Variants in PTPRD observed in about 807,000 individuals in gnomAD.
The protein encoded by PTPRD is protein tyrosine phosphatase receptor type D.
Under a neutral mutation model 214.5 loss-of-function variants are expected in PTPRD, and 34 were observed. The ratio of observed to expected loss-of-function variants is 0.16; its 90% CI spans 0.12 to 0.21. The LOEUF (loss-of-function observed/expected upper bound fraction) is 0.21. Ranked by LOEUF, PTPRD falls within the 10% of genes least tolerant of loss-of-function variation. PTPRD has a pLI of 1.00. For missense variants in PTPRD, 2,545 were observed against 2,398.7 expected, an observed-to-expected ratio of 1.06 and a Z score of -1.27; for synonymous variants, 1,128 against 845.7, an observed-to-expected ratio of 1.33 and a Z score of -5.79.
At chr9:9,590,093 A>T (rs1392667606) in intron 7 of PTPRD, among the ~76,000 whole-genome samples, 3 of 152,078 alleles carry the variant, frequency 2.0e-5, no homozygotes, top group Non-Finnish European at 2.9e-5. Flanking sequence ...TAATGTCAAT[A>T]AAAATACAAG....
chr9:9,046,530 C>T (rs1487509419), intron 10 of PTPRD, among the ~76,000 whole-genome samples: 2 of 152,126 alleles, frequency 1.3e-5, no homozygotes, highest in Admixed American at 6.6e-5. Context: ...CATTTATGCA[C>T]ATTTTGTTAC....
At chr9:8,612,474 T>G (rs1307048227) in intron 14 of PTPRD, among the ~76,000 whole-genome samples, 2 of 152,126 alleles carry the variant, frequency 1.3e-5, no homozygotes, top group African/African-American at 2.4e-5. Flanking sequence ...GGCTGTACAA[T>G]GGAGAAAGGA....
chr9:9,529,158 T>C (rs965112527), intron 8 of PTPRD, among the ~76,000 whole-genome samples: 1 of 151,802 alleles, frequency 6.6e-6, no homozygotes, highest in Non-Finnish European at 1.5e-5. Context: ...GGTCTCGAAC[T>C]CCTGACCTCG....
intron 2 of PTPRD, among the ~76,000 whole-genome samples, chr9:10,435,331 C>T (rs370990873): frequency 6.6e-5 from 10 of 151,994 alleles, no homozygotes; most frequent in African/African-American, 1.4e-4. Context: ...GCACTTTACA[C>T]GACTCATACA....
At chr9:10,307,155 A>C (rs922169120) in intron 3 of PTPRD, among the ~76,000 whole-genome samples, 1 of 151,986 alleles carries the variant, frequency 6.6e-6, no homozygotes, top group African/African-American at 2.4e-5. Flanking sequence ...TATTATAAAC[A>C]TGAGCACTTA....
chr9:9,929,645 G>A (rs1009447887), intron 5 of PTPRD, among the ~76,000 whole-genome samples: 1 of 152,100 alleles, frequency 6.6e-6, no homozygotes, highest in South Asian at 2.1e-4. Flanking sequence ...GCCCACCTCA[G>A]CCTCACAAAG....
At chr9:9,444,947 GT>G (rs1029915145) in intron 8 of PTPRD, among the ~76,000 whole-genome samples, 1 of 152,050 alleles carries the variant, frequency 6.6e-6, no homozygotes, top group Non-Finnish European at 1.5e-5. Flanking sequence ...CATTTGACCA[GT>G]TTTAACCTAA....
rs34225956 is a variant in PTPRD, at chr9:10,285,605, C to CTTT, written c.-545+55355_-545+55357dup. Among the ~76,000 whole-genome samples the CTTT allele has an allele frequency of 4.3e-3, 446 of 104,004 alleles. 11 individuals are homozygous for CTTT. The highest frequency in any genetic ancestry group is 7.6e-3 in the African/African-American group (201 of 26,298). 68.2% of individuals were successfully genotyped at this position (104,004 alleles called of 152,430 possible). A position where few individuals can be genotyped will look rare whatever the true frequency, so the allele number is the denominator to read the frequency against. ...GTTTCATATTATTTTGGGGTCTCAT[C>CTTT]TTTTTTTTTTTTTTTTTTTTTTTGA... is the stretch of plus-strand genomic sequence containing the variant. On this transcript the variant is annotated intron_variant, in intron 3 of 45. Transcript: ENST00000381196.
intron 14 of PTPRD, among the ~76,000 whole-genome samples, chr9:8,545,472 G>A (rs1407523251): frequency 6.6e-6 from 1 of 152,178 alleles, no homozygotes; most frequent in East Asian, 1.9e-4. Flanking sequence ...TGCAGGACAT[G>A]AGGTAGTTCC....
intron 4 of PTPRD, among the ~76,000 whole-genome samples, chr9:10,013,583 C>A (rs557099803): frequency 1.4e-5 from 2 of 147,122 alleles, no homozygotes; most frequent in South Asian, 4.2e-4. Context: ...AATGTAGTAG[C>A]TGAAAAAAAA....
intron 9 of PTPRD, among the ~76,000 whole-genome samples, chr9:9,249,888 T>C (rs771734692): frequency 1.2e-4 from 19 of 152,094 alleles, no homozygotes; most frequent in African/African-American, 2.4e-4. Context: ...TAATGAATTA[T>C]AGTTCTTTAG....
intron 5 of PTPRD, among the ~76,000 whole-genome samples, chr9:9,798,865 A>G (rs1020122117): frequency 3.9e-5 from 6 of 152,194 alleles, no homozygotes; most frequent in African/African-American, 1.2e-4. Flanking sequence ...CCAAATTACC[A>G]AAGCATAGTG....
rs147038102 is a variant in PTPRD at position 9,120,139 on chromosome 9, T to C, written c.-143+63165A>G. 5.2e-3 allele frequency among the ~76,000 whole-genome samples: 796 copies of C among 152,344 alleles called. 12 individuals carry two copies. The highest frequency in any genetic ancestry group is 0.042 in the East Asian group (217 of 5,182). On this transcript the variant is annotated intron_variant, in intron 10 of 45. Transcript: ENST00000381196. ...AAATGATGTGCCTGATTATATTTCATCTACTGGAAATTCACAGTGCACATT... is the reference window on the plus strand; with the variant it reads ...AAATGATGTGCCTGATTATATTTCACCTACTGGAAATTCACAGTGCACATT...
chr9:9,871,320 A>G (rs997199746), intron 5 of PTPRD, among the ~76,000 whole-genome samples: 1 of 152,188 alleles, frequency 6.6e-6, no homozygotes, highest in Non-Finnish European at 1.5e-5. Flanking sequence ...CAATTGCACA[A>G]GAGAAATCCA....
rs869246078 is a variant in PTPRD at position 9,384,343 on chromosome 9, C to CTTTTTTTTTTTTTTTTTTTTTTTTTT, written c.-203+13080_-203+13105dup. 6.0e-5 allele frequency among the ~76,000 whole-genome samples: 2 copies of CTTTTTTTTTTTTTTTTTTTTTTTTTT among 33,316 alleles called. 1 individual carries two copies. The highest frequency in any genetic ancestry group is 1.4e-4 in the Non-Finnish European group (2 of 14,296). The allele number at this position is 33,316 out of a possible 152,430, so 21.9% of individuals were successfully genotyped here. A position where few individuals can be genotyped will look rare whatever the true frequency, so the allele number is the denominator to read the frequency against. ...GATGATATTTGAGCAGAAGACTAGGCTTTTTTTTTTTTTTTTTTTTTTTTT... is the reference window on the plus strand; with the variant it reads ...GATGATATTTGAGCAGAAGACTAGGCTTTTTTTTTTTTTTTTTTTTTTTTTTTTTTTTTTTTTTTTTTTTTTTTTTT... On this transcript the variant is annotated intron_variant, in intron 9 of 45. Transcript: ENST00000381196.
intron 3 of PTPRD, among the ~76,000 whole-genome samples, chr9:10,247,888 T>C (rs2092342660): frequency 6.6e-6 from 1 of 152,148 alleles, no homozygotes; most frequent in African/African-American, 2.4e-5. Context: ...CCTCATCTTG[T>C]AGCTCCCATA....
At chr9:9,564,649 C>T (rs10977845) in intron 8 of PTPRD, among the ~76,000 whole-genome samples, 1 of 151,878 alleles carries the variant, frequency 6.6e-6, no homozygotes, top group Admixed American at 6.6e-5. Context: ...GTACATATGT[C>T]TTAAAAGCTT....
chr9:10,565,482 G>A (rs755913565), intron 2 of PTPRD, among the ~76,000 whole-genome samples: 2 of 152,166 alleles, frequency 1.3e-5, no homozygotes, highest in Admixed American at 1.3e-4. Flanking sequence ...TTATGATCTG[G>A]TAAAGGAAAT....
chr9:9,488,210 C>T (rs2095740691), intron 8 of PTPRD, among the ~76,000 whole-genome samples: 1 of 152,204 alleles, frequency 6.6e-6, no homozygotes, highest in African/African-American at 2.4e-5. Context: ...CTACACATTG[C>T]TTCACAAGCA....
Sources: gnomAD v4.1 joint callset for allele counts (sites outside exome capture counted in the v4.1 genomes callset) on GRCh38, gnomAD v4.1.1 for gene constraint, MANE v1.5 for transcripts, NCBI Gene and HGNC (gene_info 2026-07-23, HGNC 2026-07-21) for gene names.